Variants in OPN3 observed in about 807,000 individuals in gnomAD.
OPN3 encodes opsin 3.
A neutral mutation model predicts 33.8 loss-of-function variants in OPN3; 29 were observed. That is an observed-to-expected ratio of 0.86 (90% CI 0.64 to 1.17). The LOEUF is 1.17. Ranked by LOEUF, OPN3 falls within the 50% of genes most tolerant of loss-of-function variation. OPN3 has a pLI of 0.00. For synonymous variants in OPN3, 216 were observed against 216.1 expected, an observed-to-expected ratio of 1.00 and a Z score of 0.00; for missense variants, 437 against 514.1, an observed-to-expected ratio of 0.85 and a Z score of 1.45.
At chr1:241,638,547 C>T (rs1664990978) in intron 1 of OPN3, among the ~76,000 whole-genome samples, 1 of 152,100 alleles carries the variant, frequency 6.6e-6, no homozygotes, top group Admixed American at 6.5e-5. Context: ...TTAGCATTGC[C>T]GAAGAAACTG....
At chr1:241,604,680 G>A in intron 1 of OPN3, 101 bp from the exon 2 acceptor site, 1 of 1,015,124 alleles carries the variant, frequency 9.9e-7, no homozygotes, top group Non-Finnish European at 1.4e-6. Flanking sequence ...CAGAGTATCT[G>A]AGATCGATAG....
intron 1 of OPN3, among the ~76,000 whole-genome samples, chr1:241,611,924 A>G (rs1011075924): frequency 4.6e-5 from 7 of 152,320 alleles, no homozygotes; most frequent in Admixed American, 4.6e-4. Flanking sequence ...TACTGTGATA[A>G]GGAATGAAAC....
Position 241,623,059 on chromosome 1 carries a change from G to A in OPN3, c.373+16823C>T, listed in dbSNP as rs531713633. On this transcript the variant is annotated intron_variant, in intron 1 of 3. Transcript: ENST00000366554. The stretch of plus-strand genomic sequence containing the variant: ...CCAGGAAGTTTGTTTTTTTTAAAGA[G>A]TCTATACCTAGAAATCTTAAAAAAA... 6.4e-4 allele frequency among the ~76,000 whole-genome samples: 96 copies of A among 150,830 alleles called. 1 individual carries two copies. The highest frequency in any genetic ancestry group is 1.3e-3 in the Non-Finnish European group (85 of 67,826).
intron 1 of OPN3, chr1:241,629,445 A>T (rs1273727735): frequency 6.6e-6 from 1 of 152,112 alleles, no homozygotes; most frequent in Non-Finnish European, 1.5e-5. Flanking sequence ...ATTCAAATTG[A>T]TTTTTTATAT....
chr1:241,635,481 T>G lies in OPN3; in HGVS notation c.373+4401A>C, dbSNP rs150316107. 45 of 1,613,796 alleles carry G rather than the reference T, an allele frequency of 2.8e-5. No homozygotes were observed. Among genetic ancestry groups the G allele is most frequent in the Admixed American group, 6.7e-5 (4 of 59,982 alleles). ...TAGCAAAAAGCTTCTGTGTGTTGAATAGTTTCATCCTTCTTGCGAAGAGTG... is the reference window on the plus strand; with the variant it reads ...TAGCAAAAAGCTTCTGTGTGTTGAAGAGTTTCATCCTTCTTGCGAAGAGTG... On this transcript the variant is annotated intron_variant, in intron 1 of 3. Coordinates refer to ENST00000366554, the MANE Select transcript of OPN3 (RefSeq NM_014322.3).
intron 1 of OPN3, chr1:241,634,712 G>C (rs1277487456): frequency 6.2e-7 from 1 of 1,614,010 alleles, no homozygotes; most frequent in Non-Finnish European, 8.5e-7. Flanking sequence ...ATCTATTGTA[G>C]TGCAAGATGA....
chr1:241,628,836 T>A (rs959499552), intron 1 of OPN3: 1 of 152,598 alleles, frequency 6.6e-6, no homozygotes. Flanking sequence ...AAGAAATCAG[T>A]AATTTTCTCA....
chr1:241,594,020 CAA>C lies in OPN3; in HGVS notation c.*406_*407del, dbSNP rs1221468383. 1 of 174,264 alleles carries C rather than the reference CAA, an allele frequency of 5.7e-6. No homozygotes were observed. Among genetic ancestry groups the C allele is most frequent in the Admixed American group, 5.7e-5 (1 of 17,402 alleles). The allele number at this position is 174,264 out of a possible 1,614,324, so 10.8% of individuals were successfully genotyped here. On this transcript the variant is annotated 3_prime_UTR_variant, in exon 4 of 4. Coordinates refer to ENST00000366554, the MANE Select transcript of OPN3 (RefSeq NM_014322.3). ...TGACACTGAATAGAGTCCAACAGTA[CAA>C]AAAAAATTCAGTATGTTCTAGCTAC...
At chr1:241,598,053 T>G in intron 2 of OPN3, 56 bp from the exon 3 acceptor site, 2 of 1,567,240 alleles carry the variant, frequency 1.3e-6, no homozygotes, top group Non-Finnish European at 1.7e-6. Context: ...GGGTTTCTTT[T>G]GTTGTTTTTA....
intron 1 of OPN3, among the ~76,000 whole-genome samples, chr1:241,621,949 G>A (rs1301357878): frequency 6.6e-6 from 1 of 151,996 alleles, no homozygotes; most frequent in East Asian, 1.9e-4. Flanking sequence ...TTTGCTTGGT[G>A]GTATGTTGAT....
At position 241,593,536 on chromosome 1, in the gene OPN3, A is replaced by C. The variant is rs1292902918; in HGVS notation, c.*892T>G. On this transcript the variant is annotated 3_prime_UTR_variant, in exon 4 of 4. Coordinates refer to ENST00000366554, the MANE Select transcript of OPN3 (RefSeq NM_014322.3). Reference sequence around the variant, plus strand: ...ATCCATGTTCAGTTTGTAGGGAAAGAAAAAATAATTTTTCCTTCTACCCAC... The same window carrying C: ...ATCCATGTTCAGTTTGTAGGGAAAGCAAAAATAATTTTTCCTTCTACCCAC... The C allele has an allele frequency of 7.8e-6, 2 of 256,830 alleles. No individual in the cohort carries two copies. The highest frequency in any genetic ancestry group is 1.8e-5 in the Non-Finnish European group (2 of 113,062). 15.9% of individuals were successfully genotyped at this position (256,830 alleles called of 1,614,324 possible). A position where few individuals can be genotyped will look rare whatever the true frequency, so the allele number is the denominator to read the frequency against.
intron 1 of OPN3, among the ~76,000 whole-genome samples, chr1:241,625,268 T>C (rs771448821): frequency 6.6e-6 from 1 of 152,192 alleles, no homozygotes; most frequent in Non-Finnish European, 1.5e-5. Context: ...TGCAAATGTG[T>C]GTACAATTAT....
chr1:241,634,057 C>T (rs757657277), intron 1 of OPN3: 1 of 1,606,658 alleles, frequency 6.2e-7, no homozygotes, highest in South Asian at 1.1e-5. Context: ...CATTGGAAGG[C>T]AAGCCATTAT....
chr1:241,603,660 G>A (rs796459507), intron 2 of OPN3, among the ~76,000 whole-genome samples: 17 of 152,136 alleles, frequency 1.1e-4, no homozygotes, highest in African/African-American at 4.1e-4. Flanking sequence ...AGGGTTTGAC[G>A]GAGTGAGCAA....
chr1:241,631,761 C>T (rs1438868573), intron 1 of OPN3: 1 of 152,102 alleles, frequency 6.6e-6, no homozygotes, highest in Non-Finnish European at 1.5e-5. Flanking sequence ...TTTAGTTCAT[C>T]TTATCTTCAC....
chr1:241,597,779 G>A lies in OPN3; in HGVS notation c.912C>T (p.Tyr304=). The change falls in exon 3 of 4, where the codon TAC becomes TAT. Residue 304 remains tyrosine (Y), a synonymous_variant. Coordinates refer to ENST00000366554, the MANE Select transcript of OPN3 (RefSeq NM_014322.3). ...TCATGAAGACATAAATCACTGGATT[G>A]TATACAGTGTTCGATTTAGCAAAGA... ...SYLFAKSNTV[Y]NPVIYVFMIR... 1.2e-6 allele frequency: 2 copies of A among 1,613,194 alleles called. No individual in the cohort carries two copies. Among genetic ancestry groups the A allele is most frequent in the Non-Finnish European group, 1.7e-6 (2 of 1,179,418 alleles).
In OPN3 at chr1:241,594,646, A is replaced by C. The variant is rs1663442253; in HGVS notation, c.991T>G (p.Cys331Gly). 3 of 1,614,114 alleles carry C rather than the reference A, an allele frequency of 1.9e-6. No individual in the cohort carries two copies. The highest frequency in any genetic ancestry group is 2.5e-6 in the Non-Finnish European group (3 of 1,179,986). ...GGTAGGTCTTTAGCAGGCCTCTGGC[A>C]CCTCAGCAGTCGGAGGCACAGAAGC... is the stretch of plus-strand genomic sequence containing the variant. ...LQLLCLRLLRCQRPAKDLPAA... is the reference protein window; with the variant it reads ...LQLLCLRLLRGQRPAKDLPAA... Residue 331 changes from cysteine (C) to glycine (G), a missense_variant, in exon 4 of 4, where the codon TGC (cysteine) becomes GGC (glycine). Coordinates refer to ENST00000366554, the MANE Select transcript of OPN3 (RefSeq NM_014322.3).
intron 1 of OPN3, among the ~76,000 whole-genome samples, chr1:241,607,638 AAGAAAG>A (rs1222066415): frequency 1.4e-4 from 21 of 148,804 alleles, no homozygotes; most frequent in Middle Eastern, 3.5e-3. Context: ...AAGAAAAAGG[AAGAAAG>A]AAGAAAGAAG....
intron 1 of OPN3, among the ~76,000 whole-genome samples, chr1:241,606,859 G>A (rs979868738): frequency 6.6e-6 from 1 of 152,198 alleles, no homozygotes; most frequent in Admixed American, 6.5e-5. Context: ...CTGGAGGCAA[G>A]TCCCAGCTCC....
Sources: gnomAD v4.1 joint callset for allele counts (sites outside exome capture counted in the v4.1 genomes callset) on GRCh38, gnomAD v4.1.1 for gene constraint, MANE v1.5 for transcripts, NCBI Gene and HGNC (gene_info 2026-07-23, HGNC 2026-07-21) for gene names.